Variants in PCDHGA8 observed in about 807,000 individuals in gnomAD.
The protein encoded by PCDHGA8 is protocadherin gamma subfamily A, 8, also known as protocadherin gamma-A8.
Under a neutral mutation model 59.2 loss-of-function variants are expected in PCDHGA8, and 45 were observed. The observed-to-expected ratio is 0.76, with a 90% CI of 0.60 to 0.98. The LOEUF (loss-of-function observed/expected upper bound fraction) is 0.98. Ranked by LOEUF, PCDHGA8 falls within the 50% of genes least tolerant of loss-of-function variation. The pLI is 0.00. For missense variants in PCDHGA8, 1,257 were observed against 1,196.2 expected (o/e 1.05, Z -0.75); for synonymous variants, 531 against 519.0 (o/e 1.02, Z -0.32).
chr5:141,407,847 T>C (rs1236964962), intron 1 of PCDHGA8, among the ~76,000 whole-genome samples: 2 of 152,224 alleles, frequency 1.3e-5, no homozygotes, highest in African/African-American at 4.8e-5. Context: ...TTGAGGGGGA[T>C]GTACACCTGC....
chr5:141,504,755 T>A (rs953075905), intron 2 of PCDHGA8, among the ~76,000 whole-genome samples: 13 of 151,824 alleles, frequency 8.6e-5, no homozygotes, highest in Non-Finnish European at 1.5e-5. Flanking sequence ...ATTTTAGAAA[T>A]TTCTTCTCCC....
At chr5:141,413,597 A>C in intron 1 of PCDHGA8, 2 of 1,613,888 alleles carry the variant, frequency 1.2e-6, no homozygotes, top group Non-Finnish European at 8.5e-7. Context: ...CAAGCAGAAA[A>C]TCTAGACGTA....
chr5:141,410,447 C>A, intron 1 of PCDHGA8: 1 of 1,613,984 alleles, frequency 6.2e-7, no homozygotes, highest in Non-Finnish European at 8.5e-7. Context: ...GGGGACTTTG[C>A]CTTATTCTTA....
chr5:141,501,328 CACACA>C (rs1562200832), intron 2 of PCDHGA8, among the ~76,000 whole-genome samples: 17 of 151,710 alleles, frequency 1.1e-4, no homozygotes, highest in African/African-American at 1.9e-4. Context: ...CACACACACA[CACACA>C]CCCCAAACTC....
At chr5:141,415,739 G>GTT (rs1561759437) in intron 1 of PCDHGA8, 11 of 435,132 alleles carry the variant, frequency 2.5e-5, no homozygotes, top group African/African-American at 1.6e-4. Flanking sequence ...TGTTTATTAA[G>GTT]GTTTTTTTTT....
chr5:141,483,166 A>G (rs1288499520), intron 1 of PCDHGA8, among the ~76,000 whole-genome samples: 1 of 152,138 alleles, frequency 6.6e-6, no homozygotes, highest in Non-Finnish European at 1.5e-5. Flanking sequence ...ATCCTGAGTT[A>G]CCTTTGGGCC....
intron 2 of PCDHGA8, among the ~76,000 whole-genome samples, chr5:141,497,050 G>A (rs113054804): frequency 6.6e-5 from 10 of 152,096 alleles, no homozygotes; most frequent in East Asian, 5.8e-4. Context: ...TTAGCCAGGC[G>A]TGGTGGCAGG....
intron 1 of PCDHGA8, among the ~76,000 whole-genome samples, chr5:141,437,987 C>T (rs2097922147): frequency 1.3e-5 from 2 of 152,156 alleles, no homozygotes; most frequent in African/African-American, 2.4e-5. Flanking sequence ...GCACCCACCC[C>T]ACCTCAGCCT....
intron 1 of PCDHGA8, chr5:141,422,654 C>T: frequency 1.2e-6 from 2 of 1,610,030 alleles, no homozygotes; most frequent in Non-Finnish European, 1.7e-6. Flanking sequence ...TTCTCAGTGA[C>T]CGCCCTCGAC....
Position 141,393,121 on chromosome 5 carries a change from T to A in PCDHGA8, c.308T>A (p.Leu103Gln). 1 of 1,613,428 alleles carries A rather than the reference T, an allele frequency of 6.2e-7. No individual in the cohort carries two copies. The highest frequency in any genetic ancestry group is 1.3e-5 in the African/African-American group (1 of 75,054). The change falls in exon 1 of 4, where the codon CTG becomes CAG. Residue 103 changes from leucine (L) to glutamine (Q), a missense_variant. Coordinates refer to ENST00000398604, the MANE Select transcript of PCDHGA8 (RefSeq NM_032088.2). ...EELCAQSPRC[L>Q]ININTLVEDK... Reference sequence around the variant, plus strand: ...CTCTGCGCTCAGAGCCCGCGGTGTCTGATAAATATTAACACCCTGGTTGAG... The same window carrying A: ...CTCTGCGCTCAGAGCCCGCGGTGTCAGATAAATATTAACACCCTGGTTGAG...
In PCDHGA8 at chr5:141,406,998, A is replaced by G. The variant is rs138992041; in HGVS notation, c.2424+11761A>G. ...AACATTTCACAAGACATTTGAAAAT[A>G]AGCTTTGAAGTTGACTCAAAATTCT... On this transcript the variant is annotated intron_variant, in intron 1 of 3. Transcript: ENST00000398604. 7.5e-3 allele frequency among the ~76,000 whole-genome samples: 1,140 copies of G among 152,352 alleles called. 5 individuals carry two copies. The highest frequency in any genetic ancestry group is 0.012 in the Non-Finnish European group (837 of 68,024).
At chr5:141,471,046 C>G (rs960750377) in intron 1 of PCDHGA8, among the ~76,000 whole-genome samples, 3 of 113,280 alleles carry the variant, frequency 2.6e-5, no homozygotes, top group African/African-American at 1.1e-4. Context: ...CCCAAGCCCT[C>G]TTTTTTTTTT....
chr5:141,484,959 C>A, intron 1 of PCDHGA8: 2 of 575,576 alleles, frequency 3.5e-6, no homozygotes, highest in Non-Finnish European at 6.2e-6. Flanking sequence ...ATTGGCTGAG[C>A]CCGGGAGCCG....
Position 141,485,399 on chromosome 5 carries a change from C to T in PCDHGA8, c.2425-9408C>T. On this transcript the variant is annotated intron_variant, in intron 1 of 3. Coordinates refer to ENST00000398604, the MANE Select transcript of PCDHGA8 (RefSeq NM_032088.2). This position sits in a 1 kb window ranked among gnomAD's most constrained non-coding sequence, Gnocchi z 5.7. ...TGGAGAGGTGAACCAAAGACACTTC[C>T]GTGTGGATTTGGACAGCGGAGCCCT... 3 of 1,614,000 alleles carry T rather than the reference C, an allele frequency of 1.9e-6. No homozygotes were observed. The highest frequency in any genetic ancestry group is 2.5e-6 in the Non-Finnish European group (3 of 1,179,922).
Position 141,395,043 on chromosome 5 carries a change from G to A in PCDHGA8, c.2230G>A (p.Glu744Lys). 6.2e-7 allele frequency: 1 copy of A among 1,614,150 alleles called. No homozygotes were observed. ...GVPASHFVGV[E>K]EVQAFLQTYS... ...GCCTGCCTCACATTTTGTGGGTGTT[G>A]AGGAGGTACAGGCTTTCCTGCAGAC... The change falls in exon 1 of 4, where the codon GAG becomes AAG. Residue 744 changes from glutamate to lysine, a missense_variant. Glu to Lys is a moderately conservative substitution (Grantham distance 56). Coordinates refer to ENST00000398604, the MANE Select transcript of PCDHGA8 (RefSeq NM_032088.2).
rs144796076 is a variant in PCDHGA8, at chr5:141,394,245, G to A, written c.1432G>A (p.Asp478Asn). ...GASIFSLTAH[D>N]PDSQENAQVT... ...CTCCATCTTTTCCTTGACTGCACACGACCCCGACAGCCAGGAGAATGCCCA... is the reference window on the plus strand; with the variant it reads ...CTCCATCTTTTCCTTGACTGCACACAACCCCGACAGCCAGGAGAATGCCCA... Residue 478 changes from aspartate (D) to asparagine (N), a missense_variant, in exon 1 of 4, where the codon GAC becomes AAC. Physicochemically the swap from Asp to Asn is conservative, Grantham distance 23. Transcript: ENST00000398604. The A allele has an allele frequency of 2.5e-3, 4,038 of 1,613,812 alleles. 13 individuals carry two copies. The highest frequency in any genetic ancestry group is 6.1e-3 in the Middle Eastern group (37 of 6,062).
rs747811019 is a variant in PCDHGA8 at position 141,490,069 on chromosome 5, C to T, written c.2425-4738C>T. 6 of 1,614,150 alleles carry T rather than the reference C, an allele frequency of 3.7e-6. No homozygotes were observed. Among genetic ancestry groups the T allele is most frequent in the Non-Finnish European group, 5.1e-6 (6 of 1,180,044 alleles). ...TCCAGACGAGGGCACCAACGGCCAA[C>T]TAGACTATTCTTTTGGAGACCACAC... On this transcript the variant is annotated intron_variant, in intron 1 of 3. Transcript: ENST00000398604. This position sits in a 1 kb window ranked among gnomAD's most constrained non-coding sequence, Gnocchi z 5.4.
At chr5:141,508,664 T>C (rs1381178258) in intron 3 of PCDHGA8, among the ~76,000 whole-genome samples, 1 of 152,030 alleles carries the variant, frequency 6.6e-6, no homozygotes, top group Non-Finnish European at 1.5e-5. Context: ...TGTCATTCTG[T>C]CTCTGCCTCC....
At position 141,477,210 on chromosome 5, in the gene PCDHGA8, C is replaced by A. The variant is rs780852225; in HGVS notation, c.2425-17597C>A. On this transcript the variant is annotated intron_variant, in intron 1 of 3. Transcript: ENST00000398604. This position sits in a 1 kb window ranked among gnomAD's most constrained non-coding sequence, Gnocchi z 4.9. ...GTGTACAGCCCAGTACCCGAGGATG[C>A]CCCTCTGGGGACTGTCATCGCTTTG... The A allele has an allele frequency of 6.2e-7, 1 of 1,614,142 alleles. No homozygotes were observed. The highest frequency in any genetic ancestry group is 8.5e-7 in the Non-Finnish European group (1 of 1,180,030).
Sources: allele counts gnomAD v4.1 joint callset (sites outside exome capture counted in the v4.1 genomes callset), GRCh38; gene constraint gnomAD v4.1.1; non-coding constraint Gnocchi (gnomAD v3.1); transcripts MANE v1.5; gene names NCBI Gene and HGNC (gene_info 2026-07-23, HGNC 2026-07-21).